Variants in HDAC9 observed in about 807,000 individuals in gnomAD.
The protein encoded by HDAC9 is MEF-2 interacting transcription repressor (MITR) protein.
A neutral mutation model predicts 139.4 loss-of-function variants in HDAC9; 41 were observed. The ratio of observed to expected loss-of-function variants is 0.29; its 90% CI spans 0.23 to 0.38. The LOEUF (loss-of-function observed/expected upper bound fraction) is 0.38. Among genes scored for constraint, HDAC9 ranks in the 10% least tolerant of loss-of-function variants. The probability of loss-of-function intolerance (pLI) is 1.00; values close to 1 mark genes in which losing one functional copy is unlikely to be tolerated. For missense variants in HDAC9, 1,147 were observed against 1,297.0 expected (o/e 0.88, Z 1.78); for synonymous variants, 517 against 476.2 (o/e 1.09, Z -1.12).
In HDAC9 at chr7:18,935,416, A is replaced by G. The variant is rs184071065; in HGVS notation, c.2804-393A>G. On this transcript the variant is annotated intron_variant, in intron 22 of 25. Transcript: ENST00000686413. Reference sequence around the variant, plus strand: ...CAATTTGGGGCATAGAAAACTTTCTATAATAAAGGCCATTGATAGCGACAG... The same window carrying G: ...CAATTTGGGGCATAGAAAACTTTCTGTAATAAAGGCCATTGATAGCGACAG... 1.1e-4 allele frequency among the ~76,000 whole-genome samples: 17 copies of G among 152,268 alleles called. No individual in the cohort carries two copies. The East Asian group carries it at 3.3e-3, about 29-fold the overall frequency.
At chr7:18,539,486 T>C (rs1586815360) in intron 2 of HDAC9, among the ~76,000 whole-genome samples, 1 of 152,208 alleles carries the variant, frequency 6.6e-6, no homozygotes, top group South Asian at 2.1e-4. Flanking sequence ...TAAAAACTGA[T>C]GAAATTCAAA....
chr7:18,716,963 T>C (rs150360962), intron 12 of HDAC9, among the ~76,000 whole-genome samples: 5 of 152,036 alleles, frequency 3.3e-5, no homozygotes, highest in Admixed American at 6.6e-5. Context: ...GAATATTTGA[T>C]TTGCAAAATT....
At chr7:18,690,909 A>G (rs1300669452) in intron 12 of HDAC9, among the ~76,000 whole-genome samples, 1 of 151,980 alleles carries the variant, frequency 6.6e-6, no homozygotes, top group Non-Finnish European at 1.5e-5. Context: ...ACAAAAGCAT[A>G]TTTCTGTTTG....
chr7:18,797,656 C>T (rs1041121136), intron 17 of HDAC9, among the ~76,000 whole-genome samples: 1 of 151,990 alleles, frequency 6.6e-6, no homozygotes, highest in African/African-American at 2.4e-5. Flanking sequence ...GGCAAAACCC[C>T]GTGCTCACTA....
At chr7:18,141,020 A>T (rs541149839) in intron 1 of HDAC9, among the ~76,000 whole-genome samples, 1 of 151,950 alleles carries the variant, frequency 6.6e-6, no homozygotes, top group African/African-American at 2.4e-5. Context: ...ACTGGCCTCT[A>T]TGAAAACAAG....
At chr7:18,846,162 T>C (rs1796889332) in intron 21 of HDAC9, among the ~76,000 whole-genome samples, 1 of 152,222 alleles carries the variant, frequency 6.6e-6, no homozygotes, top group South Asian at 2.1e-4. Context: ...TCAATGATTT[T>C]AATTCTCAAT....
chr7:18,667,240 A>C (rs1181609378), intron 12 of HDAC9: 1 of 985,342 alleles, frequency 1.0e-6, no homozygotes, highest in Non-Finnish European at 1.2e-6. Flanking sequence ...AAGCAGATGC[A>C]AATGTTAGTG....
chr7:18,845,941 C>G (rs949563178), intron 21 of HDAC9, among the ~76,000 whole-genome samples: 1 of 152,028 alleles, frequency 6.6e-6, no homozygotes, highest in Admixed American at 6.6e-5. Flanking sequence ...AAGGCCATAG[C>G]AAACCTCAGG....
At chr7:18,920,889 G>A (rs929989066) in intron 22 of HDAC9, among the ~76,000 whole-genome samples, 9 of 151,920 alleles carry the variant, frequency 5.9e-5, no homozygotes, top group East Asian at 1.9e-4. Flanking sequence ...TGCTGGATTC[G>A]GTTTGCCAGT....
At chr7:18,988,731 A>G (rs1376814729) in intron 25 of HDAC9, among the ~76,000 whole-genome samples, 4 of 151,434 alleles carry the variant, frequency 2.6e-5, no homozygotes, top group African/African-American at 9.7e-5. Context: ...GACTTGCTTT[A>G]TGAATCTGGG....
intron 2 of HDAC9, among the ~76,000 whole-genome samples, chr7:18,580,515 A>G (rs778887134): frequency 1.1e-4 from 17 of 152,338 alleles, no homozygotes; most frequent in East Asian, 3.9e-4. Context: ...GACAAGCAAG[A>G]TGAGTCCAAA....
chr7:18,378,290 A>G lies in HDAC9; in HGVS notation c.-42+87775A>G, dbSNP rs78427795. 7.9e-3 allele frequency among the ~76,000 whole-genome samples: 1,201 copies of G among 152,266 alleles called. 20 individuals are homozygous for G. The highest frequency in any genetic ancestry group is 0.028 in the African/African-American group (1,157 of 41,548). ...TTCTTTTAGTACAAACAAATACCAC[A>G]GTTAAATTTCTGAGAGAGTAATTAA... On this transcript the variant is annotated intron_variant, in intron 1 of 3. Coordinates refer to the HDAC9 transcript ENST00000413509.
chr7:18,663,925 C>T lies in HDAC9; in HGVS notation c.1468-2288C>T, dbSNP rs532288242. 2.6e-4 allele frequency among the ~76,000 whole-genome samples: 40 copies of T among 152,286 alleles called. No individual in the cohort carries two copies. In the South Asian group the frequency reaches 7.9e-3, roughly 30 times the overall value. On this transcript the variant is annotated intron_variant, in intron 11 of 25. Transcript: ENST00000686413. ...ACTGATAGTCTCTGTCCCTCTCTCT[C>T]TCTGAATAATGAGCGGATGTTTGTT...
chr7:18,937,022 T>C (rs1252587291), intron 23 of HDAC9, among the ~76,000 whole-genome samples: 2 of 148,292 alleles, frequency 1.3e-5, no homozygotes, highest in African/African-American at 2.5e-5. Flanking sequence ...AGTACTTTGC[T>C]CTTGTTAATT....
chr7:18,315,191 ATTG>A (rs1215972053), intron 1 of HDAC9, among the ~76,000 whole-genome samples: 3 of 152,152 alleles, frequency 2.0e-5, no homozygotes, highest in Non-Finnish European at 2.9e-5. Flanking sequence ...ACCAACTTTT[ATTG>A]TTCTGTTTCC....
At chr7:18,333,687 C>T (rs1413060838) in intron 1 of HDAC9, among the ~76,000 whole-genome samples, 2 of 151,202 alleles carry the variant, frequency 1.3e-5, no homozygotes, top group South Asian at 2.1e-4. Context: ...AAACAACAAA[C>T]AACAACAAAA....
intron 23 of HDAC9, among the ~76,000 whole-genome samples, chr7:18,946,036 C>CAAAAAAAAAAAAAAAAAAAAAAAAAA (rs1171055959): frequency 1.0e-4 from 4 of 38,276 alleles, no homozygotes; most frequent in South Asian, 1.9e-3. Flanking sequence ...GACTCCGTCT[C>CAAAAAAAAAAAAAAAAAAAAAAAAAA]AAAAAAAAAA....
At chr7:18,413,286 A>G (rs1275134819) in intron 1 of HDAC9, among the ~76,000 whole-genome samples, 1 of 152,212 alleles carries the variant, frequency 6.6e-6, no homozygotes, top group African/African-American at 2.4e-5. Context: ...AGAGTATGTG[A>G]TAAGTATAAT....
At chr7:18,723,372 G>C (rs1265279933) in intron 12 of HDAC9, among the ~76,000 whole-genome samples, 1 of 152,092 alleles carries the variant, frequency 6.6e-6, no homozygotes, top group Admixed American at 6.6e-5. Flanking sequence ...ACTAACTACG[G>C]TTAAGGTGCA....
Sources: allele counts gnomAD v4.1 joint callset (sites outside exome capture counted in the v4.1 genomes callset), GRCh38; gene constraint gnomAD v4.1.1; transcripts MANE v1.5; gene names NCBI Gene and HGNC (gene_info 2026-07-23, HGNC 2026-07-21).